CILK1: variants seen among roughly 807,000 people sequenced by gnomAD.
The protein encoded by CILK1 is serine/threonine-protein kinase ICK.
In CILK1, 47 loss-of-function variants were observed where a neutral mutation model predicts 79.2. The observed-to-expected ratio is 0.59, with a 90% confidence interval of 0.47 to 0.76. CILK1 has a LOEUF of 0.76. Among genes scored for constraint, CILK1 ranks in the 30% least tolerant of loss-of-function variants. The probability of loss-of-function intolerance (pLI) is 0.00; values close to 1 mark genes in which losing one functional copy is unlikely to be tolerated. For missense variants in CILK1, 660 were observed against 769.5 expected (o/e 0.86, Z 1.68); for synonymous variants, 266 against 275.9 (o/e 0.96, Z 0.36).
chr6:53,027,738 C>T (rs765383427), intron 5 of CILK1, among the ~76,000 whole-genome samples: 2 of 152,222 alleles, frequency 1.3e-5, no homozygotes, highest in African/African-American at 4.8e-5. Context: ...GGTGCAGTGG[C>T]TCACTCCTGT....
intron 3 of CILK1, among the ~76,000 whole-genome samples, chr6:53,036,420 G>T (rs2127445754): frequency 6.6e-6 from 1 of 152,116 alleles, no homozygotes; most frequent in African/African-American, 2.4e-5. Context: ...GAATATTTTT[G>T]TTTTTGTTTT....
intron 1 of CILK1, among the ~76,000 whole-genome samples, chr6:53,058,822 A>G (rs560861189): frequency 3.3e-4 from 50 of 152,212 alleles, no homozygotes; most frequent in Admixed American, 2.0e-3. Flanking sequence ...AGAAAAATGC[A>G]TTTTATAAGG....
chr6:53,011,737 T>A, intron 11 of CILK1, 32 bp downstream of exon 11: 2 of 1,600,204 alleles, frequency 1.2e-6, no homozygotes, highest in Non-Finnish European at 1.7e-6. Context: ...TTCTTATTAA[T>A]AATCAAAGTA....
Position 53,013,747 on chromosome 6 carries a change from G to C in CILK1, c.1067C>G (p.Ser356Cys). 1 of 1,614,172 alleles carries C rather than the reference G, an allele frequency of 6.2e-7. No homozygotes were observed. Among genetic ancestry groups the C allele is most frequent in the Non-Finnish European group, 8.5e-7 (1 of 1,180,036 alleles). Residue 356 changes from serine (S) to cysteine (C), a missense_variant, in exon 9 of 14, where the codon TCC becomes TGC. By Grantham distance (112) the Ser-to-Cys change is moderately radical. Coordinates refer to ENST00000676107, the MANE Select transcript of CILK1 (RefSeq NM_014920.5). Reference sequence around the variant, plus strand: ...GAGATGGCTTGGGTGATCTGTCCTGGAGACCTCTGCTTTGTAGGGGTACGT... The same window carrying C: ...GAGATGGCTTGGGTGATCTGTCCTGCAGACCTCTGCTTTGTAGGGGTACGT... Reference protein sequence around the residue: ...HLTYPYKAEVSRTDHPSHLQE... With the variant: ...HLTYPYKAEVCRTDHPSHLQE...
chr6:53,042,565 A>G (rs1206112894), intron 1 of CILK1, among the ~76,000 whole-genome samples: 2 of 152,246 alleles, frequency 1.3e-5, no homozygotes, highest in African/African-American at 2.4e-5. Flanking sequence ...TTCAAGGCCT[A>G]TGTGCAGGGT....
At chr6:53,008,912 C>T (rs375701337) in intron 12 of CILK1, among the ~76,000 whole-genome samples, 1 of 152,170 alleles carries the variant, frequency 6.6e-6, no homozygotes, top group African/African-American at 2.4e-5. Flanking sequence ...ATGCAGGAAA[C>T]GTCTCTACTG....
In CILK1 at chr6:53,013,847, C is replaced by CAGGTGGGACTGGCTTAATATAAGG. The variant is rs1443277601; in HGVS notation, c.943_966dup (p.Pro315_Pro322dup). ...GTGTGTGGCTTGGCTGGTGGCTGGG[C>CAGGTGGGACTGGCTTAATATAAGG]AGGTGGGACTGGCTTAATATAAGGA... is the stretch of plus-strand genomic sequence containing the variant. On this transcript the variant is annotated inframe_insertion, in exon 9 of 14. Transcript: ENST00000676107. 7.4e-6 allele frequency: 12 copies of CAGGTGGGACTGGCTTAATATAAGG among 1,614,036 alleles called. No homozygotes were observed. The highest frequency in any genetic ancestry group is 9.3e-6 in the Non-Finnish European group (11 of 1,180,000).
Position 53,013,544 on chromosome 6 carries a change from A to G in CILK1, c.1152+118T>C, listed in dbSNP as rs537874360. 4.1e-6 allele frequency: 4 copies of G among 970,022 alleles called. No individual in the cohort carries two copies. In the African/African-American group the frequency reaches 4.8e-5, roughly 12 times the overall value. 60.1% of individuals were successfully genotyped at this position (970,022 alleles called of 1,614,324 possible). A position where few individuals can be genotyped will look rare whatever the true frequency, so the allele number is the denominator to read the frequency against. ...GTCTTTACAATTCCATGCTGTTGCA[A>G]ACATAAATCTACCATAACTGGACCC... On this transcript the variant is annotated intron_variant, in intron 9 of 13. Transcript: ENST00000676107.
rs150014317 is a variant in CILK1 at position 53,010,042 on chromosome 6, A to T, written c.1493-475T>A. 3.3e-5 allele frequency among the ~76,000 whole-genome samples: 5 copies of T among 152,288 alleles called. No individual in the cohort carries two copies. In the East Asian group the frequency reaches 9.6e-4, roughly 29 times the overall value. On this transcript the variant is annotated intron_variant, in intron 11 of 13. Coordinates refer to ENST00000676107, the MANE Select transcript of CILK1 (RefSeq NM_014920.5). ...ACTGCAGCTTTTTTTCAGAACTGAA[A>T]GTTTAAATTCCCCCTTTATCCTTCT...
chr6:53,018,519 A>T lies in CILK1; in HGVS notation c.492-18T>A. On this transcript the variant is annotated intron_variant, in intron 6 of 13. Coordinates refer to ENST00000676107, the MANE Select transcript of CILK1 (RefSeq NM_014920.5). ...CCCTGTACCTGGAGGAACAAAGGTT[A>T]ACTGCTAGCTATTGCTTCCACCACT... 1.2e-6 allele frequency: 2 copies of T among 1,612,984 alleles called. No individual in the cohort carries two copies. The highest frequency in any genetic ancestry group is 1.7e-6 in the Non-Finnish European group (2 of 1,178,986).
chr6:53,060,313 G>A (rs1026176357), intron 1 of CILK1, among the ~76,000 whole-genome samples: 2 of 152,152 alleles, frequency 1.3e-5, no homozygotes, highest in Non-Finnish European at 2.9e-5. Flanking sequence ...GACAGCAGGG[G>A]TCTACCTAAT....
intron 5 of CILK1, among the ~76,000 whole-genome samples, chr6:53,030,589 C>T (rs1001010228): frequency 1.3e-5 from 2 of 152,192 alleles, no homozygotes; most frequent in South Asian, 2.1e-4. Context: ...TTGCCTTTGT[C>T]TCTTTTTTTA....
chr6:53,052,061 C>T (rs1456537604), intron 1 of CILK1: 1 of 152,182 alleles, frequency 6.6e-6, no homozygotes, highest in Non-Finnish European at 1.5e-5. Context: ...GTCCCACCTA[C>T]CCCACAACAG....
chr6:53,022,743 A>C lies in CILK1; in HGVS notation c.359-3384T>G, dbSNP rs550023055. 2.6e-5 allele frequency among the ~76,000 whole-genome samples: 4 copies of C among 152,324 alleles called. No homozygotes were observed. In the East Asian group the frequency reaches 7.7e-4, roughly 29 times the overall value. On this transcript the variant is annotated intron_variant, in intron 5 of 13. Transcript: ENST00000676107. ...TCGCTTCTTCCATTATGCCATTCTA[A>C]CATGGTAGCCTTCATTCATTCATTC...
intron 13 of CILK1, 123 bp downstream of exon 13, chr6:53,006,192 T>C (rs1764210567): frequency 2.3e-6 from 2 of 859,694 alleles, no homozygotes; most frequent in African/African-American, 1.7e-5. Flanking sequence ...AGCTTACTTA[T>C]TGTCTGTAGA....
At chr6:53,019,180 T>G (rs1382594904) in intron 6 of CILK1, 47 bp downstream of exon 6, 2 of 1,552,524 alleles carry the variant, frequency 1.3e-6, no homozygotes, top group Non-Finnish European at 1.8e-6. Flanking sequence ...TAATGATATC[T>G]TTTTAAAGAA....
chr6:53,009,342 T>C (rs1764421903), intron 12 of CILK1, 97 bp downstream of exon 12: 2 of 1,182,094 alleles, frequency 1.7e-6, no homozygotes, highest in African/African-American at 1.5e-5. Context: ...CAAAGGCCCC[T>C]GTGCTTCCAA....
At chr6:53,042,187 C>T (rs1462023813) in intron 1 of CILK1, among the ~76,000 whole-genome samples, 1 of 152,130 alleles carries the variant, frequency 6.6e-6, no homozygotes, top group Non-Finnish European at 1.5e-5. Context: ...TTCACTAACC[C>T]TTGGTCTAAA....
At chr6:53,005,859 C>T (rs1033730273) in intron 13 of CILK1, among the ~76,000 whole-genome samples, 3 of 152,144 alleles carry the variant, frequency 2.0e-5, no homozygotes, top group African/African-American at 7.2e-5. Context: ...GCTACTCCCC[C>T]TCTCACTCCT....
Sources: gnomAD v4.1 joint callset for allele counts (sites outside exome capture counted in the v4.1 genomes callset) on GRCh38, gnomAD v4.1.1 for gene constraint, MANE v1.5 for transcripts, NCBI Gene and HGNC (gene_info 2026-07-23, HGNC 2026-07-21) for gene names.